PLXNA4: variants seen among roughly 807,000 people sequenced by gnomAD.
PLXNA4 encodes plexin A4.
Under a neutral mutation model 191.8 loss-of-function variants are expected in PLXNA4, and 44 were observed. The ratio of observed to expected loss-of-function variants is 0.23; its 90% CI spans 0.18 to 0.29. The LOEUF (loss-of-function observed/expected upper bound fraction) is 0.29. PLXNA4 is among the 10% of genes least tolerant of loss of function. The pLI is 1.00. For synonymous variants in PLXNA4, 1,082 were observed against 1,009.5 expected (o/e 1.07, Z -1.36); for missense variants, 1,800 against 2,488.8 (o/e 0.72, Z 5.89).
At chr7:132,552,362 G>A (rs1800600310) in intron 1 of PLXNA4, among the ~76,000 whole-genome samples, 1 of 152,136 alleles carries the variant, frequency 6.6e-6, no homozygotes, top group African/African-American at 2.4e-5. Context: ...GAAGTCACAG[G>A]GGGAGTTATT....
intron 10 of PLXNA4, among the ~76,000 whole-genome samples, chr7:132,207,472 G>A (rs1797663632): frequency 6.6e-6 from 1 of 152,108 alleles, no homozygotes; most frequent in African/African-American, 2.4e-5. Context: ...CTAGAGCATT[G>A]GTCTAAAGTA....
chr7:132,365,360 T>TGTGCACGCGCGTGCGTGC, intron 3 of PLXNA4, among the ~76,000 whole-genome samples: 1 of 128,742 alleles, frequency 7.8e-6, no homozygotes, highest in African/African-American at 3.0e-5. Flanking sequence ...TGTGTGTGTG[T>TGTGCACGCGCGTGCGTGC]GCGTGCGCGC....
intron 20 of PLXNA4, among the ~76,000 whole-genome samples, chr7:132,177,041 CAG>C (rs567019463): frequency 3.3e-3 from 486 of 147,538 alleles, no homozygotes; most frequent in Middle Eastern, 0.019. Flanking sequence ...AAGTATATGT[CAG>C]TGTGTGTGTA....
intron 1 of PLXNA4, among the ~76,000 whole-genome samples, chr7:132,566,405 C>T (rs892487485): frequency 2.0e-5 from 3 of 152,126 alleles, no homozygotes; most frequent in Non-Finnish European, 2.9e-5. Context: ...AGGTCACTAC[C>T]CAGTGGTGGA....
chr7:132,267,358 C>T (rs1799896337), intron 4 of PLXNA4, among the ~76,000 whole-genome samples: 1 of 152,224 alleles, frequency 6.6e-6, no homozygotes, highest in Non-Finnish European at 1.5e-5. Flanking sequence ...CAACCAACCA[C>T]ACAGTCGCAA....
intron 4 of PLXNA4, among the ~76,000 whole-genome samples, chr7:132,286,978 A>T (rs1335470960): frequency 6.6e-6 from 1 of 152,148 alleles, no homozygotes; most frequent in Non-Finnish European, 1.5e-5. Context: ...CTGGAGCTCA[A>T]CTGGCCTTTA....
chr7:132,496,400 A>C (rs1798012913), intron 2 of PLXNA4, among the ~76,000 whole-genome samples: 1 of 152,034 alleles, frequency 6.6e-6, no homozygotes, highest in East Asian at 1.9e-4. Context: ...AAAACAAAAC[A>C]AAAAAGCCTG....
chr7:132,345,178 T>C (rs914435418), intron 3 of PLXNA4, among the ~76,000 whole-genome samples: 3 of 152,172 alleles, frequency 2.0e-5, no homozygotes, highest in African/African-American at 7.2e-5. Flanking sequence ...TTCTAGACTC[T>C]TAACACATTA....
chr7:132,205,441 G>A (rs1453526868), intron 10 of PLXNA4, among the ~76,000 whole-genome samples: 1 of 152,186 alleles, frequency 6.6e-6, no homozygotes, highest in Non-Finnish European at 1.5e-5. Flanking sequence ...GCAGATGACT[G>A]CCCCAGTGGA....
At chr7:132,235,196 C>T (rs1798657384) in intron 5 of PLXNA4, among the ~76,000 whole-genome samples, 1 of 152,220 alleles carries the variant, frequency 6.6e-6, no homozygotes, top group Admixed American at 6.5e-5. Flanking sequence ...CAACTCCAGC[C>T]TCTGCTCCCA....
intron 3 of PLXNA4, among the ~76,000 whole-genome samples, chr7:132,478,442 A>G (rs1369659827): frequency 6.6e-6 from 1 of 152,254 alleles, no homozygotes; most frequent in Non-Finnish European, 1.5e-5. Context: ...AAAATCATGG[A>G]TAAGTTTTAT....
intron 3 of PLXNA4, among the ~76,000 whole-genome samples, chr7:132,345,471 A>G (rs1456946151): frequency 6.6e-6 from 1 of 152,220 alleles, no homozygotes; most frequent in Non-Finnish European, 1.5e-5. Flanking sequence ...GTTACATCTC[A>G]TCCACAATTA....
intron 1 of PLXNA4, among the ~76,000 whole-genome samples, chr7:132,533,031 C>T (rs1799687018): frequency 6.6e-6 from 1 of 152,182 alleles, no homozygotes; most frequent in Non-Finnish European, 1.5e-5. Flanking sequence ...CAAATCCCTC[C>T]TAACTTCCAA....
intron 1 of PLXNA4, among the ~76,000 whole-genome samples, chr7:132,560,724 C>A (rs1187485340): frequency 1.3e-5 from 2 of 152,114 alleles, no homozygotes; most frequent in African/African-American, 4.8e-5. Flanking sequence ...CCAGATTTCT[C>A]CAGCTCCACT....
intron 2 of PLXNA4, among the ~76,000 whole-genome samples, chr7:132,615,997 A>T (rs1452609488): frequency 1.5e-5 from 2 of 129,374 alleles, no homozygotes; most frequent in Admixed American, 8.3e-5. Flanking sequence ...CCTATCCCCA[A>T]ATCAGCCAGA....
intron 2 of PLXNA4, among the ~76,000 whole-genome samples, chr7:132,609,553 C>A (rs62465218): frequency 0.1 from 15,653 of 152,224 alleles, 1,011 homozygotes; most frequent in Non-Finnish European, 0.14. Context: ...GGTTGGTGGC[C>A]ATTACCAATG....
chr7:132,447,211 T>C (rs962912291), intron 3 of PLXNA4, among the ~76,000 whole-genome samples: 1 of 152,136 alleles, frequency 6.6e-6, no homozygotes, highest in African/African-American at 2.4e-5. Context: ...GCGCATCACC[T>C]GGATAAGCAG....
At chr7:132,566,680 A>G (rs1417724961) in intron 1 of PLXNA4, among the ~76,000 whole-genome samples, 3 of 152,228 alleles carry the variant, frequency 2.0e-5, no homozygotes, top group Non-Finnish European at 2.9e-5. Flanking sequence ...TTGATCTGTT[A>G]TGTGCAACCA....
intron 3 of PLXNA4, among the ~76,000 whole-genome samples, chr7:132,462,281 A>C (rs1248823911): frequency 6.6e-6 from 1 of 152,196 alleles, no homozygotes; most frequent in Non-Finnish European, 1.5e-5. Flanking sequence ...CAAATCACCA[A>C]AAGGGAGGAA....
Sources: gnomAD v4.1 joint callset for allele counts (sites outside exome capture counted in the v4.1 genomes callset) on GRCh38, gnomAD v4.1.1 for gene constraint, MANE v1.5 for transcripts, NCBI Gene and HGNC (gene_info 2026-07-23, HGNC 2026-07-21) for gene names.